Variants in MYO6 observed in about 807,000 individuals in gnomAD.
MYO6 encodes the protein unconventional myosin-VI.
Under a neutral mutation model 178.7 loss-of-function variants are expected in MYO6, and 74 were observed. The ratio of observed to expected loss-of-function variants is 0.41; its 90% CI spans 0.34 to 0.50. The LOEUF is 0.50. MYO6 is among the 20% of genes least tolerant of loss of function. The probability of loss-of-function intolerance (pLI) is 0.09; values close to 1 mark genes in which losing one functional copy is unlikely to be tolerated. For missense variants in MYO6, 1,330 were observed against 1,547.4 expected, an observed-to-expected ratio of 0.86 and a Z score of 2.36; for synonymous variants, 477 against 504.6, an observed-to-expected ratio of 0.95 and a Z score of 0.73.
intron 11 of MYO6, among the ~76,000 whole-genome samples, chr6:75,852,645 C>G (rs1583276674): frequency 6.6e-6 from 1 of 152,124 alleles, no homozygotes; most frequent in African/African-American, 2.4e-5. Context: ...ATAATGTTTT[C>G]AAGGTTAATC....
chr6:75,833,015 C>T, intron 6 of MYO6, 68 bp downstream of exon 6: 1 of 1,072,476 alleles, frequency 9.3e-7, no homozygotes, highest in African/African-American at 1.5e-5. Context: ...GAGATAGGGT[C>T]TTACTGTGTC....
chr6:75,810,069 G>A (rs1291988080), intron 1 of MYO6, among the ~76,000 whole-genome samples: 1 of 139,662 alleles, frequency 7.2e-6, no homozygotes, highest in Non-Finnish European at 1.5e-5. Flanking sequence ...GGGCAACAAA[G>A]TGAGACTCTG....
intron 1 of MYO6, among the ~76,000 whole-genome samples, chr6:75,795,903 T>C (rs1583103973): frequency 6.6e-6 from 1 of 152,228 alleles, no homozygotes; most frequent in East Asian, 1.9e-4. Flanking sequence ...AATAGCATTA[T>C]TAAAAGATGA....
chr6:75,903,093 G>A (rs1197116835), intron 30 of MYO6, among the ~76,000 whole-genome samples: 1 of 152,202 alleles, frequency 6.6e-6, no homozygotes, highest in Non-Finnish European at 1.5e-5. Context: ...CTGAGAGATA[G>A]TTTGTTATAA....
intron 23 of MYO6, among the ~76,000 whole-genome samples, chr6:75,884,716 T>A (rs1313622449): frequency 6.6e-6 from 1 of 152,130 alleles, no homozygotes; most frequent in Non-Finnish European, 1.5e-5. Context: ...GGGGTCAAAA[T>A]TGAGTTTTTC....
intron 1 of MYO6, among the ~76,000 whole-genome samples, chr6:75,806,101 A>T (rs1271392221): frequency 3.9e-5 from 6 of 152,170 alleles, no homozygotes; most frequent in African/African-American, 1.2e-4. Flanking sequence ...AATATTTAGG[A>T]TTCCAAAAAC....
intron 2 of MYO6, among the ~76,000 whole-genome samples, chr6:75,819,026 G>A (rs1347166415): frequency 1.3e-5 from 2 of 152,090 alleles, no homozygotes; most frequent in Non-Finnish European, 2.9e-5. Context: ...GTATTCACAG[G>A]TGACAAAACA....
intron 32 of MYO6, among the ~76,000 whole-genome samples, chr6:75,909,767 G>A (rs921483295): frequency 2.0e-5 from 3 of 152,006 alleles, no homozygotes; most frequent in Non-Finnish European, 4.4e-5. Context: ...TCCCCTAAGC[G>A]GTATATTCCC....
chr6:75,755,930 T>C (rs975038495), intron 1 of MYO6, among the ~76,000 whole-genome samples: 6 of 152,212 alleles, frequency 3.9e-5, no homozygotes, highest in African/African-American at 1.4e-4. Flanking sequence ...GTTGTCAAAA[T>C]TGTGCAATTT....
At chr6:75,796,333 C>T (rs1226308065) in intron 1 of MYO6, among the ~76,000 whole-genome samples, 1 of 152,196 alleles carries the variant, frequency 6.6e-6, no homozygotes, top group South Asian at 2.1e-4. Flanking sequence ...CTTTTTTCCC[C>T]CTTCTTCCTC....
chr6:75,773,486 G>T (rs964468291), intron 1 of MYO6, among the ~76,000 whole-genome samples: 5 of 152,164 alleles, frequency 3.3e-5, no homozygotes, highest in African/African-American at 7.2e-5. Context: ...ACAGTAGAAG[G>T]CTTGATCTTC....
At chr6:75,775,089 C>T (rs550035079) in intron 1 of MYO6, among the ~76,000 whole-genome samples, 25 of 152,186 alleles carry the variant, frequency 1.6e-4, no homozygotes, top group Non-Finnish European at 3.1e-4. Context: ...CCACCACGTC[C>T]GGTGAGAAAT....
chr6:75,837,454 C>T (rs1226641917), intron 7 of MYO6, among the ~76,000 whole-genome samples: 1 of 152,102 alleles, frequency 6.6e-6, no homozygotes, highest in Non-Finnish European at 1.5e-5. Flanking sequence ...TGGTCTCAAC[C>T]TCCTGGGCTC....
At chr6:75,822,056 ATG>A (rs1771934162) in intron 2 of MYO6, among the ~76,000 whole-genome samples, 1 of 151,234 alleles carries the variant, frequency 6.6e-6, no homozygotes, top group African/African-American at 2.4e-5. Flanking sequence ...ATCTGATTGA[ATG>A]TTATTTTTTT....
chr6:75,814,622 A>G (rs1771028462), intron 1 of MYO6, among the ~76,000 whole-genome samples: 1 of 152,110 alleles, frequency 6.6e-6, no homozygotes, highest in South Asian at 2.1e-4. Flanking sequence ...AGCACTTTGT[A>G]TGGTTGAGGC....
chr6:75,843,463 A>G (rs1425855124), intron 9 of MYO6, among the ~76,000 whole-genome samples: 1 of 152,236 alleles, frequency 6.6e-6, no homozygotes, highest in African/African-American at 2.4e-5. Flanking sequence ...AGGCTTGGAT[A>G]GAAAAAGAAT....
At chr6:75,755,916 G>A (rs566643157) in intron 1 of MYO6, among the ~76,000 whole-genome samples, 21 of 152,246 alleles carry the variant, frequency 1.4e-4, no homozygotes, top group African/African-American at 4.8e-4. Context: ...TTGGGAAATA[G>A]GCAGTTGTCA....
chr6:75,915,080 A>T lies in MYO6; in HGVS notation c.*68A>T. ...ACTTAGGTAGGGTGTGTGCCCCCAG[A>T]TTTAACCATTCCATAATCATGTTAG... is the stretch of plus-strand genomic sequence containing the variant. On this transcript the variant is annotated 3_prime_UTR_variant, in exon 35 of 35. Transcript: ENST00000369977. 7.3e-7 allele frequency: 1 copy of T among 1,374,202 alleles called. No homozygotes were observed. The highest frequency in any genetic ancestry group is 1.0e-6 in the Non-Finnish European group (1 of 985,050). The allele number at this position is 1,374,202 out of a possible 1,614,324, so 85.1% of individuals were successfully genotyped here.
chr6:75,893,278 G>A (rs17192279), intron 28 of MYO6, among the ~76,000 whole-genome samples: 34,501 of 151,748 alleles, frequency 0.23, 5,152 homozygotes, highest in Middle Eastern at 0.38. Flanking sequence ...ATAGGAATGT[G>A]GAAGCTCTTA....
Sources: allele counts gnomAD v4.1 joint callset (sites outside exome capture counted in the v4.1 genomes callset), GRCh38; gene constraint gnomAD v4.1.1; transcripts MANE v1.5; gene names NCBI Gene and HGNC (gene_info 2026-07-23, HGNC 2026-07-21).